ATP5PB: variants seen among roughly 807,000 people sequenced by gnomAD.
ATP5PB encodes the protein ATP synthase peripheral stalk subunit b, mitochondrial.
A neutral mutation model predicts 34.5 loss-of-function variants in ATP5PB; 21 were observed. That is an observed-to-expected ratio of 0.61 (90% CI 0.43 to 0.88). The LOEUF (loss-of-function observed/expected upper bound fraction) is 0.88. ATP5PB is among the 40% of genes least tolerant of loss of function. ATP5PB has a pLI of 0.00. For missense variants in ATP5PB, 293 were observed against 317.4 expected (o/e 0.92, Z 0.58); for synonymous variants, 108 against 114.1 (o/e 0.95, Z 0.34).
In ATP5PB at chr1:111,449,572, G is replaced by A; in HGVS notation, c.31G>A (p.Ala11Thr). 1 of 1,609,022 alleles carries A rather than the reference G, an allele frequency of 6.2e-7. No individual in the cohort carries two copies. The highest frequency in any genetic ancestry group is 2.2e-5 in the East Asian group (1 of 44,816). The change falls in exon 1 of 7, where the codon GCC becomes ACC. Residue 11 changes from alanine to threonine, a missense_variant. Ala to Thr is a moderately conservative substitution (Grantham distance 58). Coordinates refer to ENST00000369722, the MANE Select transcript of ATP5PB (RefSeq NM_001688.5). The part of the protein sequence containing the change: MLSRVVLSAA[A>T]TAAPSLKNAA... ...GTCCCGGGTGGTACTTTCCGCCGCCGCCACAGCGGGTAAGGGGTATAGACC... is the reference window on the plus strand; with the variant it reads ...GTCCCGGGTGGTACTTTCCGCCGCCACCACAGCGGGTAAGGGGTATAGACC...
chr1:111,449,694 C>A, intron 1 of ATP5PB, 113 bp downstream of exon 1: 2 of 1,544,798 alleles, frequency 1.3e-6, no homozygotes, highest in Non-Finnish European at 1.8e-6. Context: ...GGCGAGTGGT[C>A]AGTGCAGTTC....
intron 3 of ATP5PB, among the ~76,000 whole-genome samples, chr1:111,454,691 T>A (rs1557800172): frequency 6.6e-6 from 1 of 152,052 alleles, no homozygotes; most frequent in Non-Finnish European, 1.5e-5. Flanking sequence ...GATCCACCCA[T>A]CTTGGCCTCC....
Position 111,461,069 on chromosome 1 carries a change from T to C in ATP5PB, c.*75T>C. 1.4e-6 allele frequency: 2 copies of C among 1,381,238 alleles called. No individual in the cohort carries two copies. The highest frequency in any genetic ancestry group is 2.0e-6 in the Non-Finnish European group (2 of 983,144). The allele number at this position is 1,381,238 out of a possible 1,614,324, so 85.6% of individuals were successfully genotyped here. On this transcript the variant is annotated 3_prime_UTR_variant, in exon 7 of 7. Coordinates refer to ENST00000369722, the MANE Select transcript of ATP5PB (RefSeq NM_001688.5). ...GAAACTAGTCTATTTGACAAAGTCTTTCTGTGTTGGTGTCTACTGAAGTTA... is the reference window on the plus strand; with the variant it reads ...GAAACTAGTCTATTTGACAAAGTCTCTCTGTGTTGGTGTCTACTGAAGTTA...
At position 111,462,480 on chromosome 1, in the gene ATP5PB, AG is replaced by A. The variant is rs1312390961; in HGVS notation, c.*1487del. ...TGAAGAAAAATCCTGTAGATAAATT[AG>A]AAAATTCTTCCCTTCATAGGTTTAT... is the stretch of plus-strand genomic sequence containing the variant. On this transcript the variant is annotated 3_prime_UTR_variant, in exon 7 of 7. Coordinates refer to ENST00000369722, the MANE Select transcript of ATP5PB (RefSeq NM_001688.5). 6.6e-6 allele frequency: 1 copy of A among 152,266 alleles called. No homozygotes were observed. Among genetic ancestry groups the A allele is most frequent in the Non-Finnish European group, 1.5e-5 (1 of 68,046 alleles). 9.4% of individuals were successfully genotyped at this position (152,266 alleles called of 1,614,324 possible). A position where few individuals can be genotyped will look rare whatever the true frequency, so the allele number is the denominator to read the frequency against.
At position 111,461,334 on chromosome 1, in the gene ATP5PB, G is replaced by C. The variant is rs191668877; in HGVS notation, c.*340G>C. On this transcript the variant is annotated 3_prime_UTR_variant, in exon 7 of 7. Coordinates refer to ENST00000369722, the MANE Select transcript of ATP5PB (RefSeq NM_001688.5). Reference sequence around the variant, plus strand: ...ATAAAGTGACAATTGAATGAAACAGGGTTTTTCAAGTTGTATAATTCTCTG... The same window carrying C: ...ATAAAGTGACAATTGAATGAAACAGCGTTTTTCAAGTTGTATAATTCTCTG... The C allele has an allele frequency of 1.4e-3, 280 of 197,142 alleles. No homozygotes were observed. The highest frequency in any genetic ancestry group is 2.3e-3 in the Non-Finnish European group (217 of 94,306). The allele number at this position is 197,142 out of a possible 1,614,324, so 12.2% of individuals were successfully genotyped here. A position where few individuals can be genotyped will look rare whatever the true frequency, so the allele number is the denominator to read the frequency against.
At chr1:111,456,822 T>G in intron 5 of ATP5PB, 67 bp downstream of exon 5, 1 of 1,487,694 alleles carries the variant, frequency 6.7e-7, no homozygotes, top group Middle Eastern at 1.8e-4. Flanking sequence ...ATTCAGAATT[T>G]TTTATGAAGA....
intron 2 of ATP5PB, among the ~76,000 whole-genome samples, chr1:111,453,724 A>G (rs1326263079): frequency 6.6e-6 from 1 of 152,228 alleles, no homozygotes; most frequent in Non-Finnish European, 1.5e-5. Flanking sequence ...TCCATGTGCC[A>G]GGCATCATTC....
At chr1:111,460,870 T>C (rs1401143322) in intron 6 of ATP5PB, 47 bp from the exon 7 acceptor site, 2 of 1,560,076 alleles carry the variant, frequency 1.3e-6, no homozygotes, top group East Asian at 2.2e-5. Context: ...TCTATACTTT[T>C]CTATGTTTTG....
At chr1:111,458,328 C>A (rs55959156) in intron 5 of ATP5PB, among the ~76,000 whole-genome samples, 2,132 of 152,222 alleles carry the variant, frequency 0.014, 48 homozygotes, top group African/African-American at 0.049. Flanking sequence ...CAACATAGAC[C>A]CCCTTTCTAC....
chr1:111,456,400 A>T, intron 4 of ATP5PB, 151 bp downstream of exon 4: 1 of 1,105,492 alleles, frequency 9.0e-7, no homozygotes, highest in Non-Finnish European at 1.2e-6. Context: ...AATTTGAGAT[A>T]ATTTTTTTAT....
intron 5 of ATP5PB, among the ~76,000 whole-genome samples, chr1:111,458,530 AAAGT>A: frequency 6.6e-6 from 1 of 152,166 alleles, no homozygotes; most frequent in East Asian, 1.9e-4. Context: ...CAGTCAAGGA[AAAGT>A]AAGAAGGCCC....
At chr1:111,451,288 G>A (rs1653326214) in intron 2 of ATP5PB, among the ~76,000 whole-genome samples, 1 of 152,112 alleles carries the variant, frequency 6.6e-6, no homozygotes, top group African/African-American at 2.4e-5. Context: ...AAACTACCAA[G>A]CGCATTCTTG....
intron 3 of ATP5PB, among the ~76,000 whole-genome samples, chr1:111,455,110 A>G (rs913286717): frequency 6.6e-6 from 1 of 152,310 alleles, no homozygotes; most frequent in Admixed American, 6.5e-5. Context: ...TTCTTGGCCC[A>G]TACCCAAGTA....
chr1:111,452,578 T>A (rs938615051), intron 2 of ATP5PB, among the ~76,000 whole-genome samples: 6 of 152,136 alleles, frequency 3.9e-5, no homozygotes, highest in Admixed American at 1.3e-4. Flanking sequence ...CTCAAAAAAA[T>A]AAATAAAATA....
intron 2 of ATP5PB, among the ~76,000 whole-genome samples, chr1:111,453,947 A>C (rs1443025498): frequency 6.6e-6 from 1 of 152,246 alleles, no homozygotes; most frequent in Non-Finnish European, 1.5e-5. Context: ...ATAGACATAC[A>C]AAGTGCTAGA....
intron 4 of ATP5PB, 115 bp from the exon 5 acceptor site, chr1:111,456,515 T>A: frequency 7.3e-7 from 1 of 1,363,512 alleles, no homozygotes; most frequent in Non-Finnish European, 9.7e-7. Context: ...TTTCTATGTT[T>A]CTTTGTGGGT....
At chr1:111,460,193 A>G (rs771049867) in intron 6 of ATP5PB, among the ~76,000 whole-genome samples, 1 of 152,186 alleles carries the variant, frequency 6.6e-6, no homozygotes, top group Admixed American at 6.5e-5. Context: ...GAACAAGGCT[A>G]TTTCTAAGCC....
chr1:111,454,918 G>T (rs895301670), intron 3 of ATP5PB, among the ~76,000 whole-genome samples: 1 of 152,232 alleles, frequency 6.6e-6, no homozygotes, highest in African/African-American at 2.4e-5. Context: ...GTCATACAGT[G>T]TTGAACAGTG....
At chr1:111,452,295 T>C (rs977231828) in intron 2 of ATP5PB, among the ~76,000 whole-genome samples, 9 of 152,202 alleles carry the variant, frequency 5.9e-5, no homozygotes, top group Non-Finnish European at 1.3e-4. Context: ...AGGCCAGGTA[T>C]AGTGTCTCAC....
Sources: gnomAD v4.1 joint callset for allele counts (sites outside exome capture counted in the v4.1 genomes callset) on GRCh38, gnomAD v4.1.1 for gene constraint, MANE v1.5 for transcripts, NCBI Gene and HGNC (gene_info 2026-07-23, HGNC 2026-07-21) for gene names.